SNRNP200: variants seen among roughly 807,000 people sequenced by gnomAD.
SNRNP200 encodes the protein U5 small nuclear ribonucleoprotein 200 kDa helicase.
A neutral mutation model predicts 255.2 loss-of-function variants in SNRNP200; 66 were observed. The observed-to-expected ratio is 0.26, with a 90% CI of 0.21 to 0.32. The LOEUF (loss-of-function observed/expected upper bound fraction) is 0.32. Ranked by LOEUF, SNRNP200 falls within the 10% of genes least tolerant of loss-of-function variation. SNRNP200 has a pLI of 1.00. For synonymous variants in SNRNP200, 939 were observed against 1,027.8 expected, an observed-to-expected ratio of 0.91 and a Z score of 1.65; for missense variants, 1,585 against 2,749.8, an observed-to-expected ratio of 0.58 and a Z score of 9.47.
intron 13 of SNRNP200, among the ~76,000 whole-genome samples, chr2:96,296,083 T>C (rs2063915152): frequency 6.6e-6 from 1 of 152,046 alleles, no homozygotes; most frequent in South Asian, 2.1e-4. Flanking sequence ...CAGTGAGCCA[T>C]GATTGTGCCA....
rs780417175 is a variant in SNRNP200, at chr2:96,305,393, C to T, written c.45G>A (p.Ala15=). The change falls in exon 1 of 45, where the codon GCG becomes GCA. Residue 15 remains alanine (A), a splice_region_variant and synonymous_variant. Coordinates refer to ENST00000323853, the MANE Select transcript of SNRNP200 (RefSeq NM_014014.5). The part of the protein sequence containing the change: ...TARSLQYEYK[A]NSNLVLQADR... ...AATCCTTCCCCAAGACCAAACGCAC[C>T]GCCTTGTACTCGTATTGCAGACTAC... 1.9e-6 allele frequency: 3 copies of T among 1,614,202 alleles called. No homozygotes were observed. The highest frequency in any genetic ancestry group is 2.5e-6 in the Non-Finnish European group (3 of 1,180,046).
In SNRNP200 at chr2:96,278,409, C is replaced by A. The variant is rs1439995595; in HGVS notation, c.5489-51G>T. 2 of 1,613,150 alleles carry A rather than the reference C, an allele frequency of 1.2e-6. No individual in the cohort carries two copies. Among genetic ancestry groups the A allele is most frequent in the Admixed American group, 1.7e-5 (1 of 60,022 alleles). On this transcript the variant is annotated intron_variant, in intron 38 of 44. Transcript: ENST00000323853. The surrounding 1 kb of genome is among the most constrained non-coding windows in gnomAD (Gnocchi z 6.9). ...AAGCTAAAACCAGGCAGAGAAGGAGCAGAACTGCCCGGGCTCCCCTGCTGT... is the reference window on the plus strand; with the variant it reads ...AAGCTAAAACCAGGCAGAGAAGGAGAAGAACTGCCCGGGCTCCCCTGCTGT...
intron 9 of SNRNP200, 85 bp from the exon 10 acceptor site, chr2:96,297,805 C>T: frequency 7.0e-7 from 1 of 1,438,622 alleles, no homozygotes; most frequent in Non-Finnish European, 9.7e-7. Flanking sequence ...TTAGCTAATA[C>T]TTGAGTCACA....
rs1558769001 is a variant in SNRNP200 at position 96,293,022 on chromosome 2, T to C, written c.2110A>G (p.Met704Val). The part of the protein sequence containing the change: ...EKKAIKRFQI[M>V]NEIVYEKIME... ...ATTTTTTCATAGACGATTTCATTCA[T>C]GATCTGGAAACGCTTGATAGCTTTT... The change falls in exon 16 of 45, where the codon ATG becomes GTG. Residue 704 changes from methionine (M) to valine (V), a missense_variant. By Grantham distance (21) the Met-to-Val change is conservative. Coordinates refer to ENST00000323853, the MANE Select transcript of SNRNP200 (RefSeq NM_014014.5). 3 of 1,614,236 alleles carry C rather than the reference T, an allele frequency of 1.9e-6. No individual in the cohort carries two copies. The highest frequency in any genetic ancestry group is 2.5e-6 in the Non-Finnish European group (3 of 1,180,018).
At chr2:96,298,731 A>G in intron 7 of SNRNP200, 29 bp from the exon 8 acceptor site, 1 of 1,613,936 alleles carries the variant, frequency 6.2e-7, no homozygotes, top group Non-Finnish European at 8.5e-7. Flanking sequence ...ACCACCATTA[A>G]GGCCAAAGCC....
Position 96,290,284 on chromosome 2 carries a change from C to A in SNRNP200, c.2742+42G>T, listed in dbSNP as rs2063876374. The A allele has an allele frequency of 4.4e-6, 7 of 1,607,612 alleles. No individual in the cohort carries two copies. The highest frequency in any genetic ancestry group is 1.3e-5 in the African/African-American group (1 of 74,772). On this transcript the variant is annotated intron_variant, in intron 20 of 44. Transcript: ENST00000323853. The surrounding 1 kb of genome is among the most constrained non-coding windows in gnomAD (Gnocchi z 4.5). ...CGACCCACTCCTGGTGCCTTGGTGTCTGCGGGGAAAGCATGAAGCACAACA... is the reference window on the plus strand; with the variant it reads ...CGACCCACTCCTGGTGCCTTGGTGTATGCGGGGAAAGCATGAAGCACAACA...
intron 15 of SNRNP200, 93 bp downstream of exon 15, chr2:96,293,223 C>G (rs1306987556): frequency 6.4e-7 from 1 of 1,570,446 alleles, no homozygotes; most frequent in Non-Finnish European, 8.8e-7. Context: ...CCCAAAGGCC[C>G]TTCTAAAACC....
intron 34 of SNRNP200, chr2:96,282,818 C>T (rs1558764838): frequency 5.9e-6 from 2 of 336,994 alleles, no homozygotes; most frequent in East Asian, 7.6e-5. Context: ...GTCAATTAAA[C>T]CTCCTTTCTT....
intron 13 of SNRNP200, among the ~76,000 whole-genome samples, chr2:96,296,112 G>A (rs954464432): frequency 3.9e-5 from 6 of 151,940 alleles, no homozygotes; most frequent in Non-Finnish European, 5.9e-5. Context: ...CAGCTTGGGC[G>A]ACAGCGAGAC....
In SNRNP200 at chr2:96,295,563, G is replaced by A. The variant is rs2063911823; in HGVS notation, c.1767C>T (p.Thr589=). ...EISATQIIVC[T]PEKWDIITRK... Reference sequence around the variant, plus strand: ...GGGTGATGATGTCCCACTTCTCGGGGGTGCAGACGATGATCTGAGTGGCAC... The same window carrying A: ...GGGTGATGATGTCCCACTTCTCGGGAGTGCAGACGATGATCTGAGTGGCAC... The change falls in exon 14 of 45, where the codon ACC becomes ACT. Residue 589 remains threonine, a synonymous_variant. Transcript: ENST00000323853. 2.5e-6 allele frequency: 4 copies of A among 1,613,858 alleles called. No homozygotes were observed. The highest frequency in any genetic ancestry group is 1.3e-5 in the African/African-American group (1 of 74,856).
chr2:96,288,477 T>G (rs1162639326), intron 24 of SNRNP200, among the ~76,000 whole-genome samples, 186 bp downstream of exon 24: 1 of 152,172 alleles, frequency 6.6e-6, no homozygotes, highest in Non-Finnish European at 1.5e-5. Flanking sequence ...CTTTCCCACG[T>G]GCTCAAGATG....
rs373776002 is a variant in SNRNP200 at position 96,278,602 on chromosome 2, C to A, written c.5433G>T (p.Ala1811=). 2.5e-6 allele frequency: 4 copies of A among 1,614,194 alleles called. No homozygotes were observed. Among genetic ancestry groups the A allele is most frequent in the Non-Finnish European group, 3.4e-6 (4 of 1,180,044 alleles). Reference sequence around the variant, plus strand: ...CGGCGATCATGCCTAGGTTCAGAGGCGCCACGTCCATCTCGTCCTCGATGC... The same window carrying A: ...CGGCGATCATGCCTAGGTTCAGAGGAGCCACGTCCATCTCGTCCTCGATGC... ...CISIEDEMDV[A]PLNLGMIAAY... Residue 1811 remains alanine, a synonymous_variant, in exon 38 of 45, where the codon GCG becomes GCT. Transcript: ENST00000323853. The surrounding 1 kb of genome is among the most constrained non-coding windows in gnomAD (Gnocchi z 6.9).
At chr2:96,275,770 A>G (rs1443892776) in intron 43 of SNRNP200, among the ~76,000 whole-genome samples, 2 of 152,244 alleles carry the variant, frequency 1.3e-5, no homozygotes, top group East Asian at 3.9e-4. Context: ...TGGGAGGCCG[A>G]GGCGGGTGGA....
chr2:96,276,870 T>A, intron 43 of SNRNP200, 34 bp downstream of exon 43: 1 of 1,608,986 alleles, frequency 6.2e-7, no homozygotes, highest in Non-Finnish European at 8.5e-7. Flanking sequence ...ATAGGGTGAG[T>A]TGACACCTGA....
intron 9 of SNRNP200, 131 bp downstream of exon 9, chr2:96,298,153 C>T: frequency 7.3e-7 from 1 of 1,367,410 alleles, no homozygotes; most frequent in Non-Finnish European, 1.0e-6. Flanking sequence ...CCTGTATGCA[C>T]TGATAAACCC....
In SNRNP200 at chr2:96,279,566, A is replaced by G; in HGVS notation, c.5025-7T>C. 6.2e-7 allele frequency: 1 copy of G among 1,600,182 alleles called. No homozygotes were observed. The highest frequency in any genetic ancestry group is 8.6e-7 in the Non-Finnish European group (1 of 1,167,638). On this transcript the variant is annotated splice_polypyrimidine_tract_variant and splice_region_variant and intron_variant, in intron 35 of 44. Transcript: ENST00000323853. The stretch of plus-strand genomic sequence containing the variant: ...GATGGGGTAATCCACATAGCTGGTG[A>G]CAGAAGCAGGGAAAGAAGGAAAAGC...
rs901389720 is a variant in SNRNP200, at chr2:96,286,524, C to T, written c.3830-40G>A. On this transcript the variant is annotated intron_variant, in intron 28 of 44. Coordinates refer to ENST00000323853, the MANE Select transcript of SNRNP200 (RefSeq NM_014014.5). This position sits in a 1 kb window ranked among gnomAD's most constrained non-coding sequence, Gnocchi z 4.8. ...ACAGGAAGGATATAAGCACTGCTCT[C>T]TTTCCCTCACTGGCCTCTAGATCCC... 2 of 1,610,726 alleles carry T rather than the reference C, an allele frequency of 1.2e-6. No individual in the cohort carries two copies. Among genetic ancestry groups the T allele is most frequent in the South Asian group, 1.1e-5 (1 of 90,844 alleles).
Position 96,278,054 on chromosome 2 carries a change from C to T in SNRNP200, c.5611-104G>A. ...CCCAGGCTCACACAGCCCTTCAACA[C>T]CCTGAGGCATGTGGGTGGTAATGGG... is the stretch of plus-strand genomic sequence containing the variant. On this transcript the variant is annotated intron_variant, in intron 39 of 44. Transcript: ENST00000323853. The surrounding 1 kb of genome is among the most constrained non-coding windows in gnomAD (Gnocchi z 6.9). The T allele has an allele frequency of 6.4e-7, 1 of 1,560,462 alleles. No individual in the cohort carries two copies. Among genetic ancestry groups the T allele is most frequent in the South Asian group, 1.1e-5 (1 of 89,388 alleles).
rs1684662703 is a variant in SNRNP200 at position 96,276,461 on chromosome 2, G to C, written c.6174+443C>G. On this transcript the variant is annotated intron_variant, in intron 43 of 44. Transcript: ENST00000323853. Reference sequence around the variant, plus strand: ...TTTTTTGAGATGAAGTCTCACACTCGCCTGGGCTGGTGTGCAGTGGGGCAA... The same window carrying C: ...TTTTTTGAGATGAAGTCTCACACTCCCCTGGGCTGGTGTGCAGTGGGGCAA... 6 of 162,304 alleles carry C rather than the reference G, an allele frequency of 3.7e-5. No homozygotes were observed. In the South Asian group the frequency reaches 4.9e-4, roughly 13 times the overall value. 10.1% of individuals were successfully genotyped at this position (162,304 alleles called of 1,614,324 possible).
Sources: allele counts gnomAD v4.1 joint callset (sites outside exome capture counted in the v4.1 genomes callset), GRCh38; gene constraint gnomAD v4.1.1; non-coding constraint Gnocchi (gnomAD v3.1); transcripts MANE v1.5; gene names NCBI Gene and HGNC (gene_info 2026-07-23, HGNC 2026-07-21).